PVT1: variants seen among roughly 807,000 people sequenced by gnomAD.
The protein encoded by PVT1 is Pvt1 oncogene, also known as CXCR4/PVT1 fusion.
rs1188784774 is a variant in PVT1, at chr8:128,026,422, T to C, written n.912+37131T>C. 4.6e-5 allele frequency among the ~76,000 whole-genome samples: 7 copies of C among 152,214 alleles called. 1 individual carries two copies. The highest frequency in any genetic ancestry group is 4.6e-4 in the Admixed American group (7 of 15,282). ...TTTGTTTGGGCTCTCATTTAATCTC[T>C]CTGACAACCTTTTGCAGCAGGTGTT... On this transcript the variant is annotated intron_variant and non_coding_transcript_variant, in intron 4 of 10. Coordinates refer to ENST00000651587, the Ensembl canonical transcript of PVT1.
chr8:127,837,841 G>C (rs1814926027), intron 2 of PVT1, among the ~76,000 whole-genome samples: 1 of 151,804 alleles, frequency 6.6e-6, no homozygotes, highest in Non-Finnish European at 1.5e-5. Context: ...CCTTGACTTA[G>C]ATTTTTGTGG....
chr8:127,926,559 C>T (rs1281462275), intron 3 of PVT1, among the ~76,000 whole-genome samples: 4 of 152,290 alleles, frequency 2.6e-5, no homozygotes, highest in South Asian at 4.2e-4. Flanking sequence ...CTCCATGGTG[C>T]GGTTCATGTT....
chr8:128,043,643 T>TC (rs1219183394), intron 4 of PVT1, among the ~76,000 whole-genome samples: 1 of 152,112 alleles, frequency 6.6e-6, no homozygotes, highest in East Asian at 1.9e-4. Context: ...CTGGGGGAAA[T>TC]CAAGTATTTC....
At chr8:127,842,195 ATT>A (rs1001060251) in intron 2 of PVT1, among the ~76,000 whole-genome samples, 3 of 150,734 alleles carry the variant, frequency 2.0e-5, no homozygotes, top group African/African-American at 7.3e-5. Flanking sequence ...TTTTAAGTCA[ATT>A]TAGAGTTTTT....
At chr8:127,915,987 A>G (rs1180388245) in intron 3 of PVT1, among the ~76,000 whole-genome samples, 2 of 152,198 alleles carry the variant, frequency 1.3e-5, no homozygotes, top group Non-Finnish European at 2.9e-5. Flanking sequence ...TTCACAGTCA[A>G]TCCCACCCTG....
In PVT1 at chr8:127,962,619, T is replaced by G. The variant is rs116403415; in HGVS notation, n.783-26543T>G. On this transcript the variant is annotated intron_variant and non_coding_transcript_variant, in intron 3 of 10. Transcript: ENST00000651587. ...GAGGTTCGTCTGCATTTTATTTTTT[T>G]TTGTTGACGATTTGTTGACGAGGCT... Among the ~76,000 whole-genome samples the G allele has an allele frequency of 2.7e-3, 406 of 152,176 alleles. 2 individuals carry two copies. The highest frequency in any genetic ancestry group is 9.3e-3 in the African/African-American group (385 of 41,528).
intron 3 of PVT1, among the ~76,000 whole-genome samples, chr8:127,969,379 G>C (rs760858778): frequency 3.9e-5 from 6 of 152,038 alleles, no homozygotes; most frequent in Non-Finnish European, 7.4e-5. Flanking sequence ...CCCTGGCCGA[G>C]AGCTTTTCTG....
chr8:127,968,791 GA>G (rs1446624403), intron 3 of PVT1, among the ~76,000 whole-genome samples: 2 of 152,166 alleles, frequency 1.3e-5, no homozygotes, highest in Non-Finnish European at 2.9e-5. Flanking sequence ...TTTTCTAAGA[GA>G]AAGGACACGT....
In PVT1 at chr8:127,997,044, G is replaced by GTTTTTTTTTTTTTTTTTTTTTTTTTTTTT. The variant is rs1293036762; in HGVS notation, n.912+7765_912+7766insTTTTTTTTTTTTTTTTTTTTTTTTTTTTT. On this transcript the variant is annotated intron_variant and non_coding_transcript_variant, in intron 4 of 10. Transcript: ENST00000651587. ...GAACATTCACTGGTCATTTGCTTTCGTTTTTTTTTTTTGTTTGTTTGTTTT... is the reference window on the plus strand; with the variant it reads ...GAACATTCACTGGTCATTTGCTTTCGTTTTTTTTTTTTTTTTTTTTTTTTTTTTTTTTTTTTTTTTTGTTTGTTTGTTTT... Among the ~76,000 whole-genome samples, 4 of 81,592 alleles carry GTTTTTTTTTTTTTTTTTTTTTTTTTTTTT rather than the reference G, an allele frequency of 4.9e-5. 1 individual carries two copies. The highest frequency in any genetic ancestry group is 6.7e-5 in the Non-Finnish European group (3 of 44,506). The allele number at this position is 81,592 out of a possible 152,430, so 53.5% of individuals were successfully genotyped here. A position where few individuals can be genotyped will look rare whatever the true frequency, so the allele number is the denominator to read the frequency against.
chr8:127,912,297 C>T (rs1563637230), intron 3 of PVT1, among the ~76,000 whole-genome samples: 1 of 152,212 alleles, frequency 6.6e-6, no homozygotes, highest in Non-Finnish European at 1.5e-5. Flanking sequence ...CAAGTGATTT[C>T]TACGTGTTGA....
intron 2 of PVT1, among the ~76,000 whole-genome samples, chr8:127,856,313 C>T (rs1212247122): frequency 2.0e-5 from 3 of 151,274 alleles, no homozygotes; most frequent in Non-Finnish European, 1.5e-5. Context: ...AGGCCTAGGA[C>T]TCTAAGTGCT....
At chr8:127,985,939 G>A (rs1315172686) in intron 3 of PVT1, among the ~76,000 whole-genome samples, 1 of 152,184 alleles carries the variant, frequency 6.6e-6, no homozygotes, top group Non-Finnish European at 1.5e-5. Context: ...GCTGCTCCTG[G>A]CTGCCATCTG....
intron 2 of PVT1, among the ~76,000 whole-genome samples, chr8:127,860,703 T>C (rs751766195): frequency 2.2e-4 from 32 of 148,384 alleles, no homozygotes; most frequent in Non-Finnish European, 4.1e-4. Context: ...AGGTGGAGGT[T>C]GTAGTAAGTC....
chr8:127,964,947 C>G (rs568212946), intron 3 of PVT1, among the ~76,000 whole-genome samples: 17 of 152,280 alleles, frequency 1.1e-4, no homozygotes, highest in African/African-American at 4.1e-4. Context: ...GGCGTGAGCC[C>G]CCACTCCTAT....
At chr8:127,855,311 C>A (rs1450936284) in intron 2 of PVT1, 1 of 397,984 alleles carries the variant, frequency 2.5e-6, no homozygotes, top group Non-Finnish European at 4.4e-6. Flanking sequence ...GCTGTAAGGA[C>A]CCCTAAGGGT....
At chr8:127,925,710 C>T (rs537209392) in intron 3 of PVT1, among the ~76,000 whole-genome samples, 57 of 152,138 alleles carry the variant, frequency 3.7e-4, no homozygotes, top group Non-Finnish European at 4.6e-4. Context: ...GGTGCCATCT[C>T]GGCTCACCGC....
intron 3 of PVT1, chr8:127,932,403 C>T (rs1458111757): frequency 1.5e-5 from 6 of 398,484 alleles, no homozygotes; most frequent in African/African-American, 1.0e-4. Context: ...CAAGGAGGCT[C>T]GAACATGGGA....
chr8:127,847,661 A>G (rs1042594713), intron 2 of PVT1, among the ~76,000 whole-genome samples: 1 of 152,240 alleles, frequency 6.6e-6, no homozygotes, highest in Non-Finnish European at 1.5e-5. Context: ...TGCTGTGTGC[A>G]CAAACACGGG....
At chr8:127,912,910 C>T (rs1055441507) in intron 3 of PVT1, among the ~76,000 whole-genome samples, 2 of 152,246 alleles carry the variant, frequency 1.3e-5, no homozygotes, top group Non-Finnish European at 2.9e-5. Flanking sequence ...GTTGGCCAGG[C>T]TGGTCTTGAA....
Sources: gnomAD v4.1 joint callset for allele counts (sites outside exome capture counted in the v4.1 genomes callset) on GRCh38, gnomAD v4.1.1 for gene constraint, MANE v1.5 for transcripts, NCBI Gene and HGNC (gene_info 2026-07-23, HGNC 2026-07-21) for gene names.